SLC24A3: variants seen among roughly 807,000 people sequenced by gnomAD.
The protein encoded by SLC24A3 is sodium/potassium/calcium exchanger 3.
Under a neutral mutation model 75.8 loss-of-function variants are expected in SLC24A3, and 28 were observed. That is an observed-to-expected ratio of 0.37 (90% CI 0.27 to 0.51). The LOEUF (loss-of-function observed/expected upper bound fraction) is 0.51, where lower values mean the gene tolerates loss of function less well. SLC24A3 is among the 20% of genes least tolerant of loss of function. The probability of loss-of-function intolerance (pLI) is 0.94; values close to 1 mark genes in which losing one functional copy is unlikely to be tolerated. For synonymous variants in SLC24A3, 372 were observed against 334.1 expected (o/e 1.11, Z -1.24); for missense variants, 663 against 847.8 (o/e 0.78, Z 2.71).
intron 16 of SLC24A3, 23 bp from the exon 17 acceptor site, chr20:19,720,968 T>C (rs1238438459): frequency 1.9e-6 from 3 of 1,612,432 alleles, no homozygotes; most frequent in Non-Finnish European, 1.7e-6. Context: ...TGGTGCCCTC[T>C]GAACCTGTTC....
intron 2 of SLC24A3, among the ~76,000 whole-genome samples, chr20:19,384,714 A>G (rs1034788814): frequency 6.6e-6 from 1 of 152,214 alleles, no homozygotes; most frequent in African/African-American, 2.4e-5. Context: ...GGATGTGAGA[A>G]TCATAAAGCA....
At chr20:19,434,530 G>T (rs1183758602) in intron 2 of SLC24A3, among the ~76,000 whole-genome samples, 1 of 151,950 alleles carries the variant, frequency 6.6e-6, no homozygotes, top group Non-Finnish European at 1.5e-5. Flanking sequence ...TTGGTGCATT[G>T]GTGACAAATG....
intron 1 of SLC24A3, among the ~76,000 whole-genome samples, chr20:19,248,803 A>C (rs1417229130): frequency 6.6e-6 from 1 of 151,906 alleles, no homozygotes; most frequent in Non-Finnish European, 1.5e-5. Context: ...TATACAATGG[A>C]GTACTGTTCA....
chr20:19,576,387 C>A (rs1029683862), intron 3 of SLC24A3, among the ~76,000 whole-genome samples: 32 of 152,144 alleles, frequency 2.1e-4, no homozygotes, highest in Non-Finnish European at 1.8e-4. Flanking sequence ...CCTTTGTTCT[C>A]TTTGCTTGTG....
chr20:19,324,783 T>C (rs569031704), intron 2 of SLC24A3, among the ~76,000 whole-genome samples: 2 of 152,352 alleles, frequency 1.3e-5, no homozygotes, highest in South Asian at 4.1e-4. Context: ...TGGATTAATA[T>C]TGTGACACAT....
At chr20:19,307,607 T>A (rs1367779096) in intron 2 of SLC24A3, among the ~76,000 whole-genome samples, 2 of 148,404 alleles carry the variant, frequency 1.3e-5, no homozygotes, top group Non-Finnish European at 3.0e-5. Flanking sequence ...TGTTGGGGGG[T>A]GGGTGGAAAG....
intron 1 of SLC24A3, among the ~76,000 whole-genome samples, chr20:19,238,071 T>C (rs961411194): frequency 6.6e-6 from 1 of 152,116 alleles, no homozygotes; most frequent in Non-Finnish European, 1.5e-5. Flanking sequence ...CTATCATAAG[T>C]GTATATAGCT....
chr20:19,710,565 A>G (rs748555959), intron 15 of SLC24A3, among the ~76,000 whole-genome samples: 2 of 152,232 alleles, frequency 1.3e-5, no homozygotes, highest in African/African-American at 2.4e-5. Context: ...ACATGCTCTC[A>G]GATCAGCATT....
At chr20:19,627,067 G>A (rs192607408) in intron 6 of SLC24A3, among the ~76,000 whole-genome samples, 50 of 152,308 alleles carry the variant, frequency 3.3e-4, no homozygotes, top group African/African-American at 1.1e-3. Flanking sequence ...CACTTAGAGC[G>A]TATCAGATTC....
intron 2 of SLC24A3, among the ~76,000 whole-genome samples, chr20:19,302,694 A>G (rs1984222891): frequency 6.6e-6 from 1 of 152,214 alleles, no homozygotes; most frequent in South Asian, 2.1e-4. Flanking sequence ...TTTCAAATTT[A>G]AGCAAATGTT....
intron 2 of SLC24A3, among the ~76,000 whole-genome samples, chr20:19,473,559 A>G (rs1600244061): frequency 1.3e-5 from 2 of 152,332 alleles, no homozygotes; most frequent in South Asian, 2.1e-4. Context: ...GACATACATT[A>G]AGTACTTTAT....
At chr20:19,316,467 C>T (rs1984590225) in intron 2 of SLC24A3, among the ~76,000 whole-genome samples, 1 of 152,238 alleles carries the variant, frequency 6.6e-6, no homozygotes, top group South Asian at 2.1e-4. Flanking sequence ...ACGATGGTCC[C>T]TTTGACAGGA....
intron 1 of SLC24A3, among the ~76,000 whole-genome samples, chr20:19,223,604 A>G (rs1168675034): frequency 1.3e-5 from 2 of 152,220 alleles, no homozygotes; most frequent in Non-Finnish European, 2.9e-5. Context: ...ACAGTAAGAG[A>G]TTAACAATAA....
At chr20:19,446,195 G>A (rs1256353652) in intron 2 of SLC24A3, among the ~76,000 whole-genome samples, 4 of 152,168 alleles carry the variant, frequency 2.6e-5, no homozygotes, top group Non-Finnish European at 5.9e-5. Flanking sequence ...CTTATTTTGA[G>A]TCAACTTTTA....
chr20:19,492,736 T>C (rs927625470), intron 2 of SLC24A3, among the ~76,000 whole-genome samples: 1 of 152,250 alleles, frequency 6.6e-6, no homozygotes, highest in Admixed American at 6.5e-5. Context: ...AATTTTATTA[T>C]ATCTGTTTCA....
chr20:19,408,949 C>T (rs1986698773), intron 2 of SLC24A3, among the ~76,000 whole-genome samples: 2 of 152,216 alleles, frequency 1.3e-5, no homozygotes, highest in Admixed American at 1.3e-4. Flanking sequence ...CTGCTGTATG[C>T]TTTCACTGTT....
At chr20:19,345,354 T>A (rs1985366378) in intron 2 of SLC24A3, among the ~76,000 whole-genome samples, 1 of 152,194 alleles carries the variant, frequency 6.6e-6, no homozygotes, top group Non-Finnish European at 1.5e-5. Context: ...TCAATGTAAT[T>A]GTAGTAAAAA....
chr20:19,347,179 C>A (rs1156493593), intron 2 of SLC24A3, among the ~76,000 whole-genome samples: 1 of 152,074 alleles, frequency 6.6e-6, no homozygotes, highest in Non-Finnish European at 1.5e-5. Flanking sequence ...ACTGTACAGA[C>A]AGTAGAAAGA....
intron 14 of SLC24A3, among the ~76,000 whole-genome samples, chr20:19,697,160 C>T (rs1246688389): frequency 6.6e-6 from 1 of 152,016 alleles, no homozygotes; most frequent in African/African-American, 2.4e-5. Context: ...GAGGGTGATG[C>T]CGTGTTGGTT....
Sources: gnomAD v4.1 joint callset for allele counts (sites outside exome capture counted in the v4.1 genomes callset) on GRCh38, gnomAD v4.1.1 for gene constraint, MANE v1.5 for transcripts, NCBI Gene and HGNC (gene_info 2026-07-23, HGNC 2026-07-21) for gene names.